The following SMG6 variants were observed in gnomAD, a reference collection of about 807,000 sequenced individuals.
SMG6 encodes the protein telomerase-binding protein EST1A.
Under a neutral mutation model 142.2 loss-of-function variants are expected in SMG6, and 66 were observed. The observed-to-expected ratio is 0.46, with a 90% confidence interval of 0.38 to 0.57. The LOEUF is 0.57. Among genes scored for constraint, SMG6 ranks in the 20% least tolerant of loss-of-function variants. The probability of loss-of-function intolerance (pLI) is 0.00; values close to 1 mark genes in which losing one functional copy is unlikely to be tolerated. For synonymous variants in SMG6, 779 were observed against 702.4 expected, an observed-to-expected ratio of 1.11 and a Z score of -1.72; for missense variants, 1,793 against 1,832.0, an observed-to-expected ratio of 0.98 and a Z score of 0.39.
Position 2,300,547 on chromosome 17 carries a change from G to A in SMG6, c.206C>T (p.Pro69Leu), listed in dbSNP as rs377664972. ...TTCATCTTTGAATTCCTCACTCCCA[G>A]GGGGTTCCTTGATTTTGGGCTTGTT... ...LRNKPKIKEP[P>L]GSEEFKDEIV... The change falls in exon 2 of 19, where the codon CCT becomes CTT. Residue 69 changes from proline (P) to leucine (L), a missense_variant. Physicochemically the swap from Pro to Leu is moderately conservative, Grantham distance 98. Transcript: ENST00000263073. 43 of 1,614,004 alleles carry A rather than the reference G, an allele frequency of 2.7e-5. No individual in the cohort carries two copies. Among genetic ancestry groups the A allele is most frequent in the Admixed American group, 5.0e-5 (3 of 60,004 alleles).
At chr17:2,126,715 C>CAAAA (rs532997926) in intron 13 of SMG6, among the ~76,000 whole-genome samples, 2 of 66,110 alleles carry the variant, frequency 3.0e-5, no homozygotes, top group African/African-American at 5.3e-5. Context: ...GGCTCAGTTT[C>CAAAA]AAAAAAAAAA....
Position 2,071,195 on chromosome 17 carries a change from T to C in SMG6, c.3682-2264A>G, listed in dbSNP as rs1265367338. Among the ~76,000 whole-genome samples the C allele has an allele frequency of 6.6e-6, 1 of 152,148 alleles. No homozygotes were observed. Among genetic ancestry groups the C allele is most frequent in the African/African-American group, 2.4e-5 (1 of 41,422 alleles). ...CCTCTGCCCCGCAAGTCCACTACCATCTCAGTTCTCCTGCCTTGAGAAACA... is the reference window on the plus strand; with the variant it reads ...CCTCTGCCCCGCAAGTCCACTACCACCTCAGTTCTCCTGCCTTGAGAAACA... On this transcript the variant is annotated intron_variant, in intron 15 of 18. Coordinates refer to ENST00000263073, the MANE Select transcript of SMG6 (RefSeq NM_017575.5). The surrounding 1 kb of genome is among the most constrained non-coding windows in gnomAD (Gnocchi z 5.6).
At chr17:2,066,022 G>A (rs2067932625) in intron 16 of SMG6, 1 of 335,824 alleles carries the variant, frequency 3.0e-6, no homozygotes, top group Non-Finnish European at 5.7e-6. Context: ...TCCCTCAGGA[G>A]AGTCCAGGGT....
intron 16 of SMG6, among the ~76,000 whole-genome samples, chr17:2,067,985 G>A (rs1597325687): frequency 6.6e-6 from 1 of 152,210 alleles, no homozygotes; most frequent in East Asian, 1.9e-4. Flanking sequence ...CAAACGCCTG[G>A]GCCTCCCAAT....
intron 13 of SMG6, among the ~76,000 whole-genome samples, chr17:2,134,569 T>C (rs142408265): frequency 6.6e-6 from 1 of 151,710 alleles, no homozygotes; most frequent in African/African-American, 2.4e-5. Context: ...GAAAAGCAAG[T>C]GTTAACAATG....
At chr17:2,079,780 A>G (rs970552246) in intron 15 of SMG6, among the ~76,000 whole-genome samples, 1 of 152,130 alleles carries the variant, frequency 6.6e-6, no homozygotes, top group African/African-American at 2.4e-5. Flanking sequence ...GAATCTGTCT[A>G]AAGAATGATG....
At chr17:2,267,340 ACCAC>A (rs1567731814) in intron 8 of SMG6, among the ~76,000 whole-genome samples, 1 of 149,778 alleles carries the variant, frequency 6.7e-6, no homozygotes, top group African/African-American at 2.4e-5. Context: ...AGTAACTAGG[ACCAC>A]CCACCACACC....
intron 13 of SMG6, among the ~76,000 whole-genome samples, chr17:2,132,036 C>G (rs2070138213): frequency 6.6e-6 from 1 of 151,902 alleles, no homozygotes; most frequent in African/African-American, 2.4e-5. Context: ...GGCACCACTG[C>G]ACTCCAGCAT....
At chr17:2,248,824 G>A (rs900205493) in intron 8 of SMG6, among the ~76,000 whole-genome samples, 2 of 152,022 alleles carry the variant, frequency 1.3e-5, no homozygotes, top group South Asian at 2.1e-4. Flanking sequence ...TGATCAAATC[G>A]GACCTAAACA....
chr17:2,097,490 G>C (rs1329350907), intron 13 of SMG6, among the ~76,000 whole-genome samples: 4 of 152,130 alleles, frequency 2.6e-5, no homozygotes, highest in Non-Finnish European at 5.9e-5. Context: ...TCTGTATGAG[G>C]TGTGTTACTG....
At chr17:2,116,479 T>G (rs1007172907) in intron 13 of SMG6, among the ~76,000 whole-genome samples, 1 of 152,120 alleles carries the variant, frequency 6.6e-6, no homozygotes, top group African/African-American at 2.4e-5. Flanking sequence ...ATCCCAGCAC[T>G]TTGGGAGGCT....
chr17:2,076,719 AT>A (rs1350184746), intron 15 of SMG6, among the ~76,000 whole-genome samples: 1 of 152,100 alleles, frequency 6.6e-6, no homozygotes, highest in African/African-American at 2.4e-5. Flanking sequence ...GAAGGGGGGA[AT>A]TTTTCCTCTG....
intron 10 of SMG6, among the ~76,000 whole-genome samples, chr17:2,189,086 G>A (rs1451627925): frequency 6.6e-6 from 1 of 152,142 alleles, no homozygotes; most frequent in Non-Finnish European, 1.5e-5. Context: ...CTACTTTCAT[G>A]GAATGAGTTA....
At chr17:2,182,687 A>C (rs972245184) in intron 12 of SMG6, among the ~76,000 whole-genome samples, 5 of 152,056 alleles carry the variant, frequency 3.3e-5, no homozygotes, top group Non-Finnish European at 7.4e-5. Context: ...ACTCCCCAAA[A>C]GTGCCCTCCA....
intron 13 of SMG6, among the ~76,000 whole-genome samples, chr17:2,108,064 GT>G (rs150036774): frequency 2.0e-5 from 3 of 151,458 alleles, no homozygotes; most frequent in Non-Finnish European, 2.9e-5. Flanking sequence ...AATCTAACAG[GT>G]TTTTTTTTGT....
intron 14 of SMG6, among the ~76,000 whole-genome samples, chr17:2,083,495 G>A (rs541056508): frequency 3.3e-5 from 5 of 152,362 alleles, no homozygotes; most frequent in South Asian, 2.1e-4. Flanking sequence ...GAGATCTGAG[G>A]ATGGGGCCAG....
chr17:2,147,083 G>A (rs568683035), intron 13 of SMG6, among the ~76,000 whole-genome samples: 11 of 152,034 alleles, frequency 7.2e-5, no homozygotes, highest in East Asian at 3.9e-4. Flanking sequence ...GTTTTTGTTC[G>A]TTTGGTTTAG....
At position 2,061,183 on chromosome 17, in the gene SMG6, G is replaced by A. The variant is rs1233295748; in HGVS notation, c.*309C>T. 3.1e-5 allele frequency: 9 copies of A among 292,936 alleles called. No homozygotes were observed. The East Asian group carries it at 5.4e-4, about 18-fold the overall frequency. The allele number at this position is 292,936 out of a possible 1,614,324, so 18.1% of individuals were successfully genotyped here. A position where few individuals can be genotyped will look rare whatever the true frequency, so the allele number is the denominator to read the frequency against. ...CCCTCCCTCAGCCTTGGAATGAGAC[G>A]GGGGAGGGAGAAAGGCTGAGAGCAT... On this transcript the variant is annotated 3_prime_UTR_variant, in exon 19 of 19. Transcript: ENST00000263073.
At chr17:2,155,055 AT>A (rs35087650) in intron 13 of SMG6, among the ~76,000 whole-genome samples, 78 of 143,564 alleles carry the variant, frequency 5.4e-4, no homozygotes, top group South Asian at 4.4e-4. Context: ...GAGAAAAAAA[AT>A]TTTTTTTTTT....
Sources: allele counts gnomAD v4.1 joint callset (sites outside exome capture counted in the v4.1 genomes callset), GRCh38; gene constraint gnomAD v4.1.1; non-coding constraint Gnocchi (gnomAD v3.1); transcripts MANE v1.5; gene names NCBI Gene and HGNC (gene_info 2026-07-23, HGNC 2026-07-21).